ZNF680: variants seen among roughly 807,000 people sequenced by gnomAD.
ZNF680 encodes hypothetical protein FLJ90430.
In ZNF680, 6 loss-of-function variants were observed where a neutral mutation model predicts 12.1. The observed-to-expected ratio is 0.49, with a 90% CI of 0.27 to 0.98. ZNF680 has a LOEUF of 0.98. Among genes scored for constraint, ZNF680 ranks in the 50% least tolerant of loss-of-function variants. ZNF680 has a pLI of 0.12. For missense variants in ZNF680, 561 were observed against 616.3 expected, an observed-to-expected ratio of 0.91 and a Z score of 0.95; for synonymous variants, 170 against 199.3, an observed-to-expected ratio of 0.85 and a Z score of 1.24.
chr7:64,544,324 T>C lies in ZNF680; in HGVS notation c.139A>G (p.Arg47Gly). Residue 47 changes from arginine (R) to glycine (G), a missense_variant, in exon 2 of 4, where the codon AGA (arginine) becomes GGA (glycine). Coordinates refer to ENST00000309683, the MANE Select transcript of ZNF680 (RefSeq NM_178558.5). Reference sequence around the variant, plus strand: ...TCCTCACCCAGGAAGACCAGGTTTCTGTAGTTCTCAAACATCACTTTCCTA... The same window carrying C: ...TCCTCACCCAGGAAGACCAGGTTTCCGTAGTTCTCAAACATCACTTTCCTA... Reference protein sequence around the residue: ...LYRKVMFENYRNLVFLGIAVS... With the variant: ...LYRKVMFENYGNLVFLGIAVS... 1 of 1,603,562 alleles carries C rather than the reference T, an allele frequency of 6.2e-7. No individual in the cohort carries two copies. The highest frequency in any genetic ancestry group is 2.2e-5 in the East Asian group (1 of 44,594).
At chr7:64,502,490 T>C in the ZNF680 span, among the ~76,000 whole-genome samples, 2 of 152,184 alleles carry the variant, frequency 1.3e-5, no homozygotes, top group Non-Finnish European at 2.9e-5. Flanking sequence ...ATAGGTGTGA[T>C]TTGTGGGGCA....
intron 3 of ZNF680, chr7:64,526,062 T>G: frequency 1.0e-6 from 1 of 964,320 alleles, no homozygotes; most frequent in Non-Finnish European, 1.2e-6. Flanking sequence ...TTAACTCATG[T>G]GAGGTGGCAT....
downstream of ZNF680, among the ~76,000 whole-genome samples, chr7:64,516,030 G>C: frequency 6.6e-6 from 1 of 152,130 alleles, no homozygotes; most frequent in East Asian, 1.9e-4. Flanking sequence ...CCCAGGCCAA[G>C]CTAAGTCACA....
intron 3 of ZNF680, among the ~76,000 whole-genome samples, chr7:64,530,868 A>T (rs1281044321): frequency 1.3e-5 from 2 of 149,004 alleles, no homozygotes; most frequent in African/African-American, 4.9e-5. Context: ...AAAAAAAAAA[A>T]TTTAAAAATA....
At chr7:64,524,650 A>C (rs2116379610) in intron 3 of ZNF680, 1 of 152,314 alleles carries the variant, frequency 6.6e-6, no homozygotes, top group East Asian at 1.9e-4. Context: ...TGGTAAAGAA[A>C]CCGGACTTGA....
chr7:64,519,174 C>T (rs894057965), downstream of ZNF680, among the ~76,000 whole-genome samples: 1 of 151,628 alleles, frequency 6.6e-6, no homozygotes, highest in Non-Finnish European at 1.5e-5. Context: ...TAAAAGTAGG[C>T]TAAGGATATG....
At chr7:64,539,376 G>GAAAAAAAAAAAA (rs1233424872) in intron 3 of ZNF680, among the ~76,000 whole-genome samples, 1 of 72,054 alleles carries the variant, frequency 1.4e-5, no homozygotes, top group Non-Finnish European at 2.5e-5. Flanking sequence ...AAAAAAAAAA[G>GAAAAAAAAAAAA]AAAAGAAAAT....
At chr7:64,554,568 AAAAG>A (rs1275793248) in intron 1 of ZNF680, among the ~76,000 whole-genome samples, 4 of 152,204 alleles carry the variant, frequency 2.6e-5, no homozygotes, top group East Asian at 1.9e-4. Context: ...AAATGTGGGG[AAAAG>A]AAAGAGAGAT....
At chr7:64,507,484 T>C in the ZNF680 span, among the ~76,000 whole-genome samples, 1 of 151,678 alleles carries the variant, frequency 6.6e-6, no homozygotes, top group East Asian at 1.9e-4. Context: ...GGTAAGTGAG[T>C]TGATATACAT....
chr7:64,512,457 CAAAAA>C, the ZNF680 span, among the ~76,000 whole-genome samples: 5 of 87,238 alleles, frequency 5.7e-5, no homozygotes, highest in Admixed American at 1.3e-4. Context: ...CCGTCTCCAG[CAAAAA>C]AAAAAAAAAA....
the ZNF680 span, chr7:64,500,942 T>C: frequency 1.6e-6 from 1 of 642,162 alleles, no homozygotes; most frequent in African/African-American, 1.8e-5. Flanking sequence ...CTTTTCGATG[T>C]GCAGCAAAAT....
chr7:64,533,815 G>A (rs925544716), intron 3 of ZNF680, among the ~76,000 whole-genome samples: 57 of 152,006 alleles, frequency 3.7e-4, no homozygotes, highest in African/African-American at 1.0e-3. Flanking sequence ...TATAAAAATC[G>A]GCACATAGAA....
At chr7:64,561,037 T>C (rs1787706110) in intron 1 of ZNF680, 2 of 152,402 alleles carry the variant, frequency 1.3e-5, no homozygotes, top group South Asian at 4.1e-4. Context: ...TCATTTTTTT[T>C]CACTATTTTT....
chr7:64,548,351 G>A (rs1786887704), intron 1 of ZNF680, among the ~76,000 whole-genome samples: 2 of 152,214 alleles, frequency 1.3e-5, no homozygotes, highest in African/African-American at 4.8e-5. Context: ...TGTAAAGAAA[G>A]TGGCCAAAGG....
rs980031779 is a variant in ZNF680 at position 64,521,816 on chromosome 7, T to C, written c.938A>G (p.Lys313Arg). The C allele has an allele frequency of 6.2e-7, 1 of 1,613,316 alleles. No homozygotes were observed. Among genetic ancestry groups the C allele is most frequent in the African/African-American group, 1.3e-5 (1 of 74,914 alleles). The change falls in exon 4 of 4, where the codon AAG (lysine) becomes AGG (arginine). Residue 313 changes from lysine to arginine, a missense_variant. Lys to Arg is a conservative substitution (Grantham distance 26, BLOSUM62 2). Coordinates refer to ENST00000309683, the MANE Select transcript of ZNF680 (RefSeq NM_178558.5). ...GGGTTTCTCTCCAGTATGAATTCTC[T>C]TATGGTTAGTAAGGGTTGCAAACCA... Reference protein sequence around the residue: ...FNWFATLTNHKRIHTGEKPFK... With the variant: ...FNWFATLTNHRRIHTGEKPFK...
intron 1 of ZNF680, among the ~76,000 whole-genome samples, chr7:64,559,389 C>T (rs1416007356): frequency 6.6e-6 from 1 of 151,908 alleles, no homozygotes; most frequent in Non-Finnish European, 1.5e-5. Flanking sequence ...AGAAACAGGC[C>T]GAGGCAGACA....
At chr7:64,562,025 G>A (rs1398316628) in intron 1 of ZNF680, among the ~76,000 whole-genome samples, 1 of 149,724 alleles carries the variant, frequency 6.7e-6, no homozygotes, top group Non-Finnish European at 1.5e-5. Flanking sequence ...ACAAGGTCAG[G>A]AGTTCAAGAC....
At chr7:64,514,555 TA>T in the ZNF680 span, among the ~76,000 whole-genome samples, 122 of 152,060 alleles carry the variant, frequency 8.0e-4, 1 homozygote, top group African/African-American at 2.8e-3. Context: ...TAGCTCATAA[TA>T]AAAAAATTCT....
downstream of ZNF680, among the ~76,000 whole-genome samples, chr7:64,519,485 G>A (rs1791426146): frequency 1.3e-5 from 2 of 151,608 alleles, no homozygotes; most frequent in African/African-American, 2.4e-5. Context: ...CCACTACTGG[G>A]TATCTATCCA....
Sources: allele counts gnomAD v4.1 joint callset (sites outside exome capture counted in the v4.1 genomes callset), GRCh38; gene constraint gnomAD v4.1.1; transcripts MANE v1.5; gene names NCBI Gene and HGNC (gene_info 2026-07-23, HGNC 2026-07-21).